NFIA: variants seen among roughly 807,000 people sequenced by gnomAD.
NFIA encodes nuclear factor I A, also known as nuclear factor 1 A-type.
A neutral mutation model predicts 62.8 loss-of-function variants in NFIA; 8 were observed. The ratio of observed to expected loss-of-function variants is 0.13; its 90% CI spans 0.07 to 0.23. The LOEUF is 0.23. Ranked by LOEUF, NFIA falls within the 10% of genes least tolerant of loss-of-function variation. NFIA has a pLI of 1.00. For synonymous variants in NFIA, 235 were observed against 238.1 expected (o/e 0.99, Z 0.12); for missense variants, 410 against 642.1 (o/e 0.64, Z 3.91).
rs1038597683 is a variant in NFIA, at chr1:61,088,802, G to GAC, written c.559+122_559+123insAC. ...TGCAGGCCACGTACATGAAGCCAGT[G>GAC]TGGTTTCAAAGATTGAGAGAGGTGC... On this transcript the variant is annotated intron_variant, in intron 2 of 10. Transcript: ENST00000403491. This position sits in a 1 kb window ranked among gnomAD's most constrained non-coding sequence, Gnocchi z 4.5. 8 of 1,182,594 alleles carry GAC rather than the reference G, an allele frequency of 6.8e-6. No individual in the cohort carries two copies. The highest frequency in any genetic ancestry group is 9.4e-6 in the Non-Finnish European group (8 of 851,350). The allele number at this position is 1,182,594 out of a possible 1,614,324, so 73.3% of individuals were successfully genotyped here. A position where few individuals can be genotyped will look rare whatever the true frequency, so the allele number is the denominator to read the frequency against.
At chr1:61,204,823 T>C (rs192355643) in intron 2 of NFIA, among the ~76,000 whole-genome samples, 4 of 152,324 alleles carry the variant, frequency 2.6e-5, no homozygotes, top group African/African-American at 9.6e-5. Context: ...TGTGTGAGCA[T>C]TTTTCTGACA....
chr1:61,442,837 G>GT (rs1439621097), intron 10 of NFIA, among the ~76,000 whole-genome samples: 1 of 152,162 alleles, frequency 6.6e-6, no homozygotes, highest in East Asian at 1.9e-4. Context: ...ACTTAAGATT[G>GT]TAAGCCCAAA....
intron 2 of NFIA, chr1:61,124,670 T>G (rs1208080828): frequency 6.6e-6 from 1 of 152,158 alleles, no homozygotes; most frequent in Non-Finnish European, 1.5e-5. Flanking sequence ...AAAATAATAA[T>G]GAAAGAAGAA....
intron 9 of NFIA, among the ~76,000 whole-genome samples, chr1:61,417,265 TTGTGTGTG>T (rs5774557): frequency 1.4e-5 from 2 of 139,100 alleles, no homozygotes; most frequent in Admixed American, 7.5e-5. Flanking sequence ...TTCCTCATCT[TTGTGTGTG>T]TGTGTGTGTG....
intron 2 of NFIA, among the ~76,000 whole-genome samples, chr1:61,257,861 GT>G (rs58077067): frequency 0.016 from 2,078 of 126,422 alleles, 22 homozygotes; most frequent in Middle Eastern, 0.047. Flanking sequence ...ATGCTTAGCT[GT>G]TTTTTTTTTT....
intron 10 of NFIA, among the ~76,000 whole-genome samples, chr1:61,431,509 A>G (rs543745664): frequency 3.3e-5 from 5 of 152,338 alleles, no homozygotes; most frequent in African/African-American, 1.2e-4. Context: ...TTAAAACCAA[A>G]TTACCATTTG....
chr1:61,268,964 TC>T (rs1557672805), intron 2 of NFIA, among the ~76,000 whole-genome samples: 2 of 152,128 alleles, frequency 1.3e-5, no homozygotes, highest in Non-Finnish European at 2.9e-5. Flanking sequence ...CCGTGCTCCC[TC>T]CCTTGCCTCG....
At chr1:61,200,032 A>ACATATATATG (rs1557631908) in intron 2 of NFIA, among the ~76,000 whole-genome samples, 1 of 83,818 alleles carries the variant, frequency 1.2e-5, no homozygotes, top group African/African-American at 5.5e-5. Context: ...ATATATATAT[A>ACATATATATG]TATATATATA....
At chr1:61,211,956 A>T (rs1653290949) in intron 2 of NFIA, among the ~76,000 whole-genome samples, 1 of 152,172 alleles carries the variant, frequency 6.6e-6, no homozygotes, top group Non-Finnish European at 1.5e-5. Context: ...CTGGCCTCCC[A>T]AAGTGCTGGG....
chr1:61,083,787 G>T (rs1431144342), intron 1 of NFIA, among the ~76,000 whole-genome samples: 1 of 150,760 alleles, frequency 6.6e-6, no homozygotes, highest in Non-Finnish European at 1.5e-5. Context: ...CACCACCACC[G>T]CCACCGCGCG....
intron 2 of NFIA, among the ~76,000 whole-genome samples, chr1:61,272,306 C>T (rs780695012): frequency 2.2e-4 from 33 of 152,008 alleles, no homozygotes; most frequent in Non-Finnish European, 4.6e-4. Context: ...TTTCTTCACA[C>T]GTCAGTCTTT....
intron 2 of NFIA, among the ~76,000 whole-genome samples, chr1:61,163,436 GT>G (rs1570293874): frequency 1.3e-5 from 2 of 151,766 alleles, no homozygotes; most frequent in South Asian, 2.1e-4. Flanking sequence ...TACCTAATTG[GT>G]TTTTTTTGTA....
At chr1:61,109,963 T>C (rs1316797470) in intron 2 of NFIA, among the ~76,000 whole-genome samples, 1 of 152,070 alleles carries the variant, frequency 6.6e-6, no homozygotes, top group Admixed American at 6.6e-5. Flanking sequence ...ATGACTGTAT[T>C]GTATCTTTTA....
chr1:61,213,128 A>G (rs895616834), intron 2 of NFIA, among the ~76,000 whole-genome samples: 1 of 152,218 alleles, frequency 6.6e-6, no homozygotes, highest in Non-Finnish European at 1.5e-5. Context: ...TATAACCCCG[A>G]GGGCAACAAT....
chr1:61,374,237 T>G (rs1264466063), intron 6 of NFIA, among the ~76,000 whole-genome samples: 1 of 152,174 alleles, frequency 6.6e-6, no homozygotes, highest in Non-Finnish European at 1.5e-5. Context: ...ATAATTTGGT[T>G]TTCTCAGAAA....
chr1:61,155,903 G>C (rs960262095), intron 2 of NFIA, among the ~76,000 whole-genome samples: 3 of 152,082 alleles, frequency 2.0e-5, no homozygotes, highest in Non-Finnish European at 4.4e-5. Flanking sequence ...TTGGGAGGCC[G>C]AGGTGGATGG....
intron 2 of NFIA, among the ~76,000 whole-genome samples, chr1:61,173,211 T>A (rs1382156562): frequency 2.6e-5 from 4 of 152,180 alleles, no homozygotes; most frequent in Non-Finnish European, 5.9e-5. Flanking sequence ...TTGGTAGTTC[T>A]TGCTGAGGAA....
chr1:61,151,239 C>T (rs1401970334), intron 2 of NFIA, among the ~76,000 whole-genome samples: 2 of 152,042 alleles, frequency 1.3e-5, no homozygotes, highest in African/African-American at 4.8e-5. Flanking sequence ...GAGACAGTCT[C>T]CACTCCGTTG....
chr1:61,433,501 T>C (rs1481237104), intron 10 of NFIA, among the ~76,000 whole-genome samples: 2 of 152,048 alleles, frequency 1.3e-5, no homozygotes, highest in Non-Finnish European at 2.9e-5. Flanking sequence ...GTTTTTTAAC[T>C]GTAAAATAGT....
Sources: allele counts gnomAD v4.1 joint callset (sites outside exome capture counted in the v4.1 genomes callset), GRCh38; gene constraint gnomAD v4.1.1; non-coding constraint Gnocchi (gnomAD v3.1); transcripts MANE v1.5; gene names NCBI Gene and HGNC (gene_info 2026-07-23, HGNC 2026-07-21).